The following NR2F1-AS1 variants were observed in gnomAD, a reference collection of about 807,000 sequenced individuals.
NR2F1-AS1 encodes the protein NR2F1 regulatory antisense RNA 1, also known as NR2F1 antisense RNA 1.
chr5:93,522,987 C>A (rs575363261), intron 4 of NR2F1-AS1, among the ~76,000 whole-genome samples: 94 of 151,874 alleles, frequency 6.2e-4, no homozygotes, highest in African/African-American at 2.2e-3. Flanking sequence ...GCCTGGAACA[C>A]CAGTGAGAGA....
intron 4 of NR2F1-AS1, chr5:93,432,407 C>T (rs1749346640): frequency 6.6e-6 from 1 of 152,140 alleles, no homozygotes. Context: ...CCAGGGGACA[C>T]CATTGAGCCC....
intron 4 of NR2F1-AS1, among the ~76,000 whole-genome samples, chr5:93,483,190 A>G (rs1310004445): frequency 1.3e-5 from 2 of 152,064 alleles, no homozygotes; most frequent in South Asian, 2.1e-4. Flanking sequence ...GACACCTCAT[A>G]CAGGAGCGCT....
intron 1 of NR2F1-AS1, among the ~76,000 whole-genome samples, chr5:93,577,313 G>A (rs1306922590): frequency 6.6e-6 from 1 of 152,244 alleles, no homozygotes; most frequent in Non-Finnish European, 1.5e-5. Context: ...ACCCAAAGGT[G>A]ACAAAGAAGA....
chr5:93,442,266 G>T (rs1222275943), intron 4 of NR2F1-AS1, among the ~76,000 whole-genome samples: 1 of 152,212 alleles, frequency 6.6e-6, no homozygotes, highest in East Asian at 1.9e-4. Flanking sequence ...GGAAGCGCAA[G>T]GGGTTGGGCA....
At chr5:93,523,594 A>T (rs1751550320) in intron 4 of NR2F1-AS1, among the ~76,000 whole-genome samples, 3 of 152,164 alleles carry the variant, frequency 2.0e-5, no homozygotes, top group Non-Finnish European at 4.4e-5. Context: ...GACACCTCAT[A>T]AAGAAGAGCT....
intron 4 of NR2F1-AS1, among the ~76,000 whole-genome samples, chr5:93,416,577 T>A (rs1041386550): frequency 6.6e-6 from 1 of 152,210 alleles, no homozygotes; most frequent in Non-Finnish European, 1.5e-5. Flanking sequence ...TGAAAATCAC[T>A]GGGCTTTTTA....
chr5:93,491,549 T>G (rs186367736), intron 4 of NR2F1-AS1, among the ~76,000 whole-genome samples: 3 of 152,130 alleles, frequency 2.0e-5, no homozygotes, highest in African/African-American at 7.2e-5. Flanking sequence ...TCTGGGTGTG[T>G]CTGTGAGAGT....
At chr5:93,582,621 CA>C (rs1753129559), upstream of NR2F1-AS1, among the ~76,000 whole-genome samples, 1 of 152,164 alleles carries the variant, frequency 6.6e-6, no homozygotes, top group Admixed American at 6.5e-5. Context: ...TTTTTCCAAA[CA>C]TTTTCAATGA....
At chr5:93,420,974 T>C (rs1348480807) in intron 4 of NR2F1-AS1, among the ~76,000 whole-genome samples, 2 of 152,200 alleles carry the variant, frequency 1.3e-5, no homozygotes, top group Non-Finnish European at 2.9e-5. Flanking sequence ...ATGTACATAC[T>C]CTCCATATTA....
intron 4 of NR2F1-AS1, among the ~76,000 whole-genome samples, chr5:93,430,163 G>T (rs1226918658): frequency 1.3e-5 from 2 of 152,212 alleles, no homozygotes; most frequent in African/African-American, 4.8e-5. Context: ...GTGAGTGAGG[G>T]AGTGAGACAA....
intron 4 of NR2F1-AS1, among the ~76,000 whole-genome samples, chr5:93,425,293 C>G (rs775406470): frequency 1.3e-5 from 2 of 152,122 alleles, no homozygotes; most frequent in Non-Finnish European, 2.9e-5. Flanking sequence ...CTGGCAAGAG[C>G]CTCGGTTCTT....
intron 4 of NR2F1-AS1, among the ~76,000 whole-genome samples, chr5:93,427,036 G>A (rs1749210147): frequency 6.6e-6 from 1 of 152,182 alleles, no homozygotes; most frequent in Non-Finnish European, 1.5e-5. Context: ...GACTACTGAA[G>A]AGTTAGTTAA....
chr5:93,581,189 G>C (rs1753020429), upstream of NR2F1-AS1: 1 of 152,202 alleles, frequency 6.6e-6, no homozygotes, highest in East Asian at 1.9e-4. Flanking sequence ...ACCTGAGGGC[G>C]TGTTGGCGCT....
At chr5:93,572,469 G>C (rs73133302) in intron 1 of NR2F1-AS1, among the ~76,000 whole-genome samples, 2,135 of 152,298 alleles carry the variant, frequency 0.014, 56 homozygotes, top group African/African-American at 0.048. Context: ...CCTATCGGCC[G>C]GGTCACCTGT....
chr5:93,534,043 C>T (rs747606434), intron 4 of NR2F1-AS1, among the ~76,000 whole-genome samples: 7 of 152,192 alleles, frequency 4.6e-5, no homozygotes, highest in Non-Finnish European at 1.0e-4. Flanking sequence ...CATTGTGCCA[C>T]TGAACTCCAG....
Position 93,462,229 on chromosome 5 carries a change from T to G in NR2F1-AS1, n.639-66687A>C, listed in dbSNP as rs1320822805. Among the ~76,000 whole-genome samples the G allele has an allele frequency of 2.6e-5, 4 of 152,184 alleles. No individual in the cohort carries two copies. The East Asian group carries it at 7.7e-4, about 29-fold the overall frequency. ...AGGAACCTGGTGGGAGGTGATTGAG[T>G]TATGGGGGCAGGTCTTTCCCAAGCT... On this transcript the variant is annotated intron_variant and non_coding_transcript_variant, in intron 4 of 5. Coordinates refer to ENST00000660523, the Ensembl canonical transcript of NR2F1-AS1.
At chr5:93,433,806 A>G (rs979027478) in intron 4 of NR2F1-AS1, among the ~76,000 whole-genome samples, 1 of 152,150 alleles carries the variant, frequency 6.6e-6, no homozygotes. Context: ...ATGATTATAA[A>G]CTTAAATAAT....
At chr5:93,509,640 T>G (rs1751255715) in intron 4 of NR2F1-AS1, among the ~76,000 whole-genome samples, 2 of 151,974 alleles carry the variant, frequency 1.3e-5, no homozygotes, top group African/African-American at 4.8e-5. Flanking sequence ...CACTTATTTC[T>G]TTACAACAAA....
intron 4 of NR2F1-AS1, among the ~76,000 whole-genome samples, chr5:93,532,967 A>G (rs1214866386): frequency 6.6e-6 from 1 of 152,224 alleles, no homozygotes; most frequent in Non-Finnish European, 1.5e-5. Flanking sequence ...CAACTATTAC[A>G]CTGTCCTAGA....
Sources: gnomAD v4.1 joint callset for allele counts (sites outside exome capture counted in the v4.1 genomes callset) on GRCh38, gnomAD v4.1.1 for gene constraint, MANE v1.5 for transcripts, NCBI Gene and HGNC (gene_info 2026-07-23, HGNC 2026-07-21) for gene names.